Variants in KCNQ1 observed in about 807,000 individuals in gnomAD.
KCNQ1 encodes the protein potassium voltage-gated channel subfamily Q member 1, also known as potassium voltage-gated channel subfamily KQT member 1.
A neutral mutation model predicts 72.4 loss-of-function variants in KCNQ1; 49 were observed. The observed-to-expected ratio is 0.68, with a 90% CI of 0.54 to 0.86. The LOEUF (loss-of-function observed/expected upper bound fraction) is 0.86. Ranked by LOEUF, KCNQ1 falls within the 40% of genes least tolerant of loss-of-function variation. KCNQ1 has a pLI of 0.00. For missense variants in KCNQ1, 790 were observed against 945.1 expected (o/e 0.84, Z 2.15); for synonymous variants, 450 against 412.6 (o/e 1.09, Z -1.10).
chr11:2,705,319 T>C (rs550127416), intron 11 of KCNQ1, among the ~76,000 whole-genome samples: 50 of 152,214 alleles, frequency 3.3e-4, no homozygotes, highest in Admixed American at 6.5e-4. Flanking sequence ...CCAGTTCCCA[T>C]TGGGAGGGCA....
At position 2,450,424 on chromosome 11, in the gene KCNQ1, A is replaced by G. The variant is rs1846105304; in HGVS notation, c.386+4940A>G. Among the ~76,000 whole-genome samples the G allele has an allele frequency of 6.6e-6, 1 of 152,128 alleles. No individual in the cohort carries two copies. Among genetic ancestry groups the G allele is most frequent in the South Asian group, 2.1e-4 (1 of 4,828 alleles). ...TGCTGCTGGAGGGGAGAATGAGGCAATGAATATCACCATCCTGGGCCACTT... is the reference window on the plus strand; with the variant it reads ...TGCTGCTGGAGGGGAGAATGAGGCAGTGAATATCACCATCCTGGGCCACTT... On this transcript the variant is annotated intron_variant, in intron 1 of 15. Transcript: ENST00000155840. The surrounding 1 kb of genome is among the most constrained non-coding windows in gnomAD (Gnocchi z 7.9).
intron 11 of KCNQ1, among the ~76,000 whole-genome samples, chr11:2,756,943 G>A (rs1846309005): frequency 1.2e-5 from 1 of 85,788 alleles, no homozygotes; most frequent in African/African-American, 4.6e-5. Context: ...ACTTGATCAA[G>A]AGCATCTTAA....
Position 2,816,891 on chromosome 11 carries a change from C to T in KCNQ1, c.1795-30876C>T, listed in dbSNP as rs976720957. ...GTCTGTTCAGGGCTCCTCAAATGCA[C>T]AAATACATGTCTGTGACCACAGCCC... On this transcript the variant is annotated intron_variant, in intron 15 of 15. Transcript: ENST00000155840. This position sits in a 1 kb window ranked among gnomAD's most constrained non-coding sequence, Gnocchi z 6.8. Among the ~76,000 whole-genome samples the T allele has an allele frequency of 1.3e-5, 2 of 152,018 alleles. No individual in the cohort carries two copies. Among genetic ancestry groups the T allele is most frequent in the African/African-American group, 2.4e-5 (1 of 41,412 alleles).
chr11:2,721,112 G>C (rs1228065853), intron 11 of KCNQ1, among the ~76,000 whole-genome samples: 2 of 152,118 alleles, frequency 1.3e-5, no homozygotes, highest in African/African-American at 4.8e-5. Context: ...ATTGGTGGGG[G>C]CCTGTCTCAT....
At chr11:2,531,093 G>A (rs1053423777) in intron 2 of KCNQ1, among the ~76,000 whole-genome samples, 11 of 152,200 alleles carry the variant, frequency 7.2e-5, no homozygotes, top group African/African-American at 9.7e-5. Context: ...CACTTCCTAG[G>A]TGGTTATCTC....
rs762242534 is a variant in KCNQ1, at chr11:2,562,631, T to A, written c.478-7997T>A. On this transcript the variant is annotated intron_variant, in intron 2 of 15. Coordinates refer to ENST00000155840, the MANE Select transcript of KCNQ1 (RefSeq NM_000218.3). This position sits in a 1 kb window ranked among gnomAD's most constrained non-coding sequence, Gnocchi z 7.5. ...TCAGCCTAACCCCTGTGTCCACCCC[T>A]CTTCAGAGTCTCCAGGCCCCATCTT... Among the ~76,000 whole-genome samples the A allele has an allele frequency of 6.6e-6, 1 of 152,124 alleles. No individual in the cohort carries two copies. Among genetic ancestry groups the A allele is most frequent in the Non-Finnish European group, 1.5e-5 (1 of 68,016 alleles).
intron 15 of KCNQ1, among the ~76,000 whole-genome samples, chr11:2,833,222 A>G (rs953770054): frequency 6.6e-6 from 1 of 152,178 alleles, no homozygotes; most frequent in African/African-American, 2.4e-5. Flanking sequence ...CCCACGCGCC[A>G]GGGCAGAGGA....
chr11:2,596,210 A>G (rs896668755), intron 10 of KCNQ1, among the ~76,000 whole-genome samples: 6 of 152,226 alleles, frequency 3.9e-5, no homozygotes, highest in African/African-American at 1.4e-4. Context: ...TCGGAGGTGG[A>G]ACTCTCATAT....
Position 2,446,712 on chromosome 11 carries a change from T to A in KCNQ1, c.386+1228T>A, listed in dbSNP as rs1846044626. The stretch of plus-strand genomic sequence containing the variant: ...TCTTACCCACCTCCCTCCTCAAAGA[T>A]GTGGTTGGGGGGTGATCTTGGAGAC... On this transcript the variant is annotated intron_variant, in intron 1 of 15. Coordinates refer to ENST00000155840, the MANE Select transcript of KCNQ1 (RefSeq NM_000218.3). The surrounding 1 kb of genome is among the most constrained non-coding windows in gnomAD (Gnocchi z 8.8). 6.6e-6 allele frequency among the ~76,000 whole-genome samples: 1 copy of A among 152,082 alleles called. No homozygotes were observed. The highest frequency in any genetic ancestry group is 2.4e-5 in the African/African-American group (1 of 41,356).
At chr11:2,535,385 T>A (rs1847712864) in intron 2 of KCNQ1, among the ~76,000 whole-genome samples, 1 of 152,174 alleles carries the variant, frequency 6.6e-6, no homozygotes, top group Admixed American at 6.5e-5. Flanking sequence ...ACCCCTGATG[T>A]CCCGGCAAGA....
At chr11:2,503,922 G>A (rs958378695) in intron 1 of KCNQ1, among the ~76,000 whole-genome samples, 3 of 152,150 alleles carry the variant, frequency 2.0e-5, no homozygotes, top group African/African-American at 7.2e-5. Flanking sequence ...GGACAGTTTC[G>A]AGGTTCCTCA....
rs189664732 is a variant in KCNQ1 at position 2,494,769 on chromosome 11, G to A, written c.387-33159G>A. 5.3e-5 allele frequency among the ~76,000 whole-genome samples: 8 copies of A among 152,216 alleles called. No individual in the cohort carries two copies. Among genetic ancestry groups the A allele is most frequent in the Admixed American group, 2.6e-4 (4 of 15,292 alleles). On this transcript the variant is annotated intron_variant, in intron 1 of 15. Transcript: ENST00000155840. This position sits in a 1 kb window ranked among gnomAD's most constrained non-coding sequence, Gnocchi z 4.6. The stretch of plus-strand genomic sequence containing the variant: ...GTATTTTATTGAAGATTTTTGCATC[G>A]GTGCTCATCAGGGATATTGGCCTGA...
At chr11:2,792,845 G>A (rs1473162081) in intron 15 of KCNQ1, among the ~76,000 whole-genome samples, 1 of 152,218 alleles carries the variant, frequency 6.6e-6, no homozygotes, top group Non-Finnish European at 1.5e-5. Flanking sequence ...AGCCGAGTAA[G>A]GTGAGCCTGA....
chr11:2,520,897 G>A (rs1385167296), intron 1 of KCNQ1, among the ~76,000 whole-genome samples: 4 of 152,000 alleles, frequency 2.6e-5, no homozygotes, highest in African/African-American at 9.7e-5. Context: ...CTTTAGGTTC[G>A]CTTCACAAAC....
intron 15 of KCNQ1, among the ~76,000 whole-genome samples, chr11:2,843,826 T>C (rs1229154441): frequency 6.6e-6 from 1 of 152,238 alleles, no homozygotes; most frequent in Admixed American, 6.5e-5. Flanking sequence ...GAGGGCTGCA[T>C]AGGTCTCTTA....
rs1848020248 is a variant in KCNQ1 at position 2,834,454 on chromosome 11, A to C, written c.1795-13313A>C. Among the ~76,000 whole-genome samples the C allele has an allele frequency of 2.0e-5, 3 of 152,298 alleles. No individual in the cohort carries two copies. The South Asian group carries it at 6.2e-4, about 32-fold the overall frequency. On this transcript the variant is annotated intron_variant, in intron 15 of 15. Coordinates refer to ENST00000155840, the MANE Select transcript of KCNQ1 (RefSeq NM_000218.3). ...ATCACACCTCGCCCTCAAGGCCTCC[A>C]GGCACAGCATCCACTGCCAGCCTCT... is the stretch of plus-strand genomic sequence containing the variant.
rs1029473272 is a variant in KCNQ1, at chr11:2,691,451, C to G, written c.1514+29370C>G. ...GAAGCTCCCTGCCCCCACTGAGTCT[C>G]TGATGTTGACAGCCTCTTTGTTTTT... On this transcript the variant is annotated intron_variant, in intron 11 of 15. Coordinates refer to ENST00000155840, the MANE Select transcript of KCNQ1 (RefSeq NM_000218.3). The surrounding 1 kb of genome is among the most constrained non-coding windows in gnomAD (Gnocchi z 6.4). 38 of 398,512 alleles carry G rather than the reference C, an allele frequency of 9.5e-5. No individual in the cohort carries two copies. The highest frequency in any genetic ancestry group is 1.6e-4 in the Non-Finnish European group (36 of 226,086). 24.7% of individuals were successfully genotyped at this position (398,512 alleles called of 1,614,324 possible).
intron 10 of KCNQ1, among the ~76,000 whole-genome samples, chr11:2,604,949 C>T (rs181882860): frequency 8.5e-5 from 13 of 152,318 alleles, no homozygotes; most frequent in African/African-American, 3.1e-4. Context: ...CATATCCTCA[C>T]CAACACTTGC....
chr11:2,825,931 G>T (rs2134061436), intron 15 of KCNQ1, among the ~76,000 whole-genome samples: 1 of 152,302 alleles, frequency 6.6e-6, no homozygotes, highest in East Asian at 1.9e-4. Context: ...GCCACCCGGA[G>T]CCCCTTCCTC....
Sources: gnomAD v4.1 joint callset for allele counts (sites outside exome capture counted in the v4.1 genomes callset) on GRCh38, gnomAD v4.1.1 for gene constraint, Gnocchi (gnomAD v3.1) non-coding constraint, MANE v1.5 for transcripts, NCBI Gene and HGNC (gene_info 2026-07-23, HGNC 2026-07-21) for gene names.